DOT1L: variants seen among roughly 807,000 people sequenced by gnomAD.
DOT1L encodes DOT1 like histone lysine methyltransferase, also known as histone-lysine N-methyltransferase, H3 lysine-79 specific.
DOT1L carries 33 observed loss-of-function variants against 153.3 expected under a neutral mutation model. That is an observed-to-expected ratio of 0.22 (90% CI 0.16 to 0.29). The LOEUF (loss-of-function observed/expected upper bound fraction) is 0.29, where lower values mean the gene tolerates loss of function less well. DOT1L is among the 10% of genes least tolerant of loss of function. DOT1L has a pLI of 1.00. For missense variants in DOT1L, 1,847 were observed against 2,119.9 expected (o/e 0.87, Z 2.53); for synonymous variants, 1,135 against 965.1 (o/e 1.18, Z -3.26).
rs2023902495 is a variant in DOT1L, at chr19:2,216,425, C to T, written c.2068C>T (p.Leu690=). ...CGAGCTGGAGCCTGACGCCAGCCGG[C>T]TGCACCTGGAGCTGGACTGCACCAA... ...GRELEPDASR[L]HLELDCTKFS... is the part of the protein sequence containing the mutation. The change falls in exon 20 of 28, where the codon CTG becomes TTG. Residue 690 remains leucine, a synonymous_variant. Coordinates refer to ENST00000398665, the MANE Select transcript of DOT1L (RefSeq NM_032482.3). The T allele has an allele frequency of 1.2e-6, 2 of 1,612,530 alleles. No homozygotes were observed. The highest frequency in any genetic ancestry group is 2.2e-5 in the East Asian group (1 of 44,884).
Position 2,198,775 on chromosome 19 carries a change from C to T in DOT1L, c.652-1109C>T, listed in dbSNP as rs58811094. Reference sequence around the variant, plus strand: ...CTTCCTGTCTCTGGATGGGCCTGTCCCGGACATTTCACAGAAACAGGATCA... The same window carrying T: ...CTTCCTGTCTCTGGATGGGCCTGTCTCGGACATTTCACAGAAACAGGATCA... On this transcript the variant is annotated intron_variant, in intron 7 of 27. Coordinates refer to ENST00000398665, the MANE Select transcript of DOT1L (RefSeq NM_032482.3). Among the ~76,000 whole-genome samples the T allele has an allele frequency of 6.2e-3, 950 of 152,316 alleles. 6 individuals are homozygous for T. The highest frequency in any genetic ancestry group is 0.021 in the African/African-American group (889 of 41,564).
chr19:2,172,484 C>T (rs1224856082), intron 1 of DOT1L, among the ~76,000 whole-genome samples: 11 of 149,374 alleles, frequency 7.4e-5, no homozygotes, highest in Non-Finnish European at 1.0e-4. Context: ...CCACCGTGCC[C>T]GGCCAGCCAC....
At position 2,220,574 on chromosome 19, in the gene DOT1L, C is replaced by A; in HGVS notation, c.2806+352C>A. On this transcript the variant is annotated intron_variant, in intron 23 of 27. Coordinates refer to ENST00000398665, the MANE Select transcript of DOT1L (RefSeq NM_032482.3). The surrounding 1 kb of genome is among the most constrained non-coding windows in gnomAD (Gnocchi z 4.5). ...GATCGGCTCCACACACAGCAGTGCC[C>A]AATGGCACACGACCGTGGGCCTCCG... 7 of 471,852 alleles carry A rather than the reference C, an allele frequency of 1.5e-5. No homozygotes were observed. Among genetic ancestry groups the A allele is most frequent in the Non-Finnish European group, 2.1e-5 (5 of 236,524 alleles). 29.2% of individuals were successfully genotyped at this position (471,852 alleles called of 1,614,324 possible). A position where few individuals can be genotyped will look rare whatever the true frequency, so the allele number is the denominator to read the frequency against.
chr19:2,188,545 G>A lies in DOT1L; in HGVS notation c.201-1187G>A, dbSNP rs571993275. ...GCGCTGGGGATGTGGAAGTCGGATTGTTCTCTGGGAGGGGCCGTCCTGGGC... is the reference window on the plus strand; with the variant it reads ...GCGCTGGGGATGTGGAAGTCGGATTATTCTCTGGGAGGGGCCGTCCTGGGC... On this transcript the variant is annotated intron_variant, in intron 3 of 27. Coordinates refer to ENST00000398665, the MANE Select transcript of DOT1L (RefSeq NM_032482.3). Among the ~76,000 whole-genome samples the A allele has an allele frequency of 8.7e-5, 12 of 137,350 alleles. No homozygotes were observed. The East Asian group carries it at 2.5e-3, about 29-fold the overall frequency. 90.1% of individuals were successfully genotyped at this position (137,350 alleles called of 152,430 possible).
chr19:2,174,609 T>C (rs1160628883), intron 1 of DOT1L, among the ~76,000 whole-genome samples: 1 of 152,144 alleles, frequency 6.6e-6, no homozygotes, highest in Non-Finnish European at 1.5e-5. Context: ...TCGCAAAAGC[T>C]AAGATAAATT....
intron 1 of DOT1L, among the ~76,000 whole-genome samples, chr19:2,174,242 A>G (rs2021796305): frequency 6.6e-6 from 1 of 152,208 alleles, no homozygotes; most frequent in Non-Finnish European, 1.5e-5. Flanking sequence ...TGGAGGTCTG[A>G]GTCCCCTTTT....
chr19:2,209,943 C>T lies in DOT1L; in HGVS notation c.1006-457C>T, dbSNP rs73516507. ...CCGGCGCACCCTGTGTTCCCCTTCC[C>T]GTGGGTCGCGCCCTCCACTAACTCA... On this transcript the variant is annotated intron_variant, in intron 12 of 27. Coordinates refer to ENST00000398665, the MANE Select transcript of DOT1L (RefSeq NM_032482.3). Among the ~76,000 whole-genome samples, 911 of 152,236 alleles carry T rather than the reference C, an allele frequency of 6.0e-3. 5 individuals are homozygous for T. Among genetic ancestry groups the T allele is most frequent in the African/African-American group, 0.02 (848 of 41,556 alleles).
At chr19:2,177,739 C>T (rs72985432) in intron 1 of DOT1L, among the ~76,000 whole-genome samples, 2,280 of 152,110 alleles carry the variant, frequency 0.015, 33 homozygotes, top group Middle Eastern at 0.048. Context: ...TGCCCAGCCC[C>T]GGCTCTTGCC....
chr19:2,227,162 CG>C (rs1304526746), intron 27 of DOT1L, 35 bp downstream of exon 27: 1 of 1,570,780 alleles, frequency 6.4e-7, no homozygotes, highest in Non-Finnish European at 8.6e-7. Context: ...CCCCCCGCCC[CG>C]GCCCCCGCCG....
At chr19:2,174,990 GTGTGTATA>G (rs1366964639) in intron 1 of DOT1L, among the ~76,000 whole-genome samples, 5 of 98,820 alleles carry the variant, frequency 5.1e-5, no homozygotes, top group African/African-American at 2.4e-4. Flanking sequence ...GTGTGTGTGT[GTGTGTATA>G]TATATATTTT....
intron 1 of DOT1L, among the ~76,000 whole-genome samples, chr19:2,170,193 A>G (rs1346749711): frequency 6.6e-6 from 1 of 152,232 alleles, no homozygotes; most frequent in Admixed American, 6.5e-5. Flanking sequence ...AATATTGGCC[A>G]TTGATGGCTG....
rs201346501 is a variant in DOT1L, at chr19:2,206,699, G to T, written c.788-30G>T. On this transcript the variant is annotated intron_variant, in intron 9 of 27. Coordinates refer to ENST00000398665, the MANE Select transcript of DOT1L (RefSeq NM_032482.3). Reference sequence around the variant, plus strand: ...TCTGCTCTTCTGTTTCCTCTCTCCTGTGTGGCAGTAAGCAGTGTCTGTGTT... The same window carrying T: ...TCTGCTCTTCTGTTTCCTCTCTCCTTTGTGGCAGTAAGCAGTGTCTGTGTT... 1.2e-4 allele frequency: 194 copies of T among 1,612,296 alleles called. 1 individual carries two copies. The African/African-American group carries it at 2.3e-3, about 20-fold the overall frequency.
At chr19:2,227,610 G>C (rs2024406908) in intron 27 of DOT1L, 3 of 1,077,086 alleles carry the variant, frequency 2.8e-6, no homozygotes, top group Non-Finnish European at 3.6e-6. Flanking sequence ...GCCGCTGCTT[G>C]TGCTTGGTGC....
chr19:2,205,846 A>G (rs2023470090), intron 9 of DOT1L, among the ~76,000 whole-genome samples: 1 of 151,726 alleles, frequency 6.6e-6, no homozygotes, highest in South Asian at 2.1e-4. Context: ...GGCATGCACC[A>G]TCATGCCCAG....
Position 2,230,609 on chromosome 19 carries a change from G to A in DOT1L, c.*817G>A. On this transcript the variant is annotated 3_prime_UTR_variant, in exon 28 of 28. Coordinates refer to ENST00000398665, the MANE Select transcript of DOT1L (RefSeq NM_032482.3). ...GCAGGCCTGTCGTGGGTCCCTTGGT[G>A]TTTCTGTACAGGAGAGAGTCACACT... The A allele has an allele frequency of 2.5e-6, 1 of 398,670 alleles. No individual in the cohort carries two copies. The highest frequency in any genetic ancestry group is 4.4e-6 in the Non-Finnish European group (1 of 226,070). The allele number at this position is 398,670 out of a possible 1,614,324, so 24.7% of individuals were successfully genotyped here. A position where few individuals can be genotyped will look rare whatever the true frequency, so the allele number is the denominator to read the frequency against.
At chr19:2,228,272 G>T in intron 27 of DOT1L, 1 of 1,358,548 alleles carries the variant, frequency 7.4e-7, no homozygotes. Context: ...GCGCCACGGG[G>T]CCGTCCGCGG....
Position 2,220,338 on chromosome 19 carries a change from C to A in DOT1L, c.2806+116C>A. 1 of 1,029,012 alleles carries A rather than the reference C, an allele frequency of 9.7e-7. No homozygotes were observed. The highest frequency in any genetic ancestry group is 1.5e-6 in the Non-Finnish European group (1 of 682,508). 63.7% of individuals were successfully genotyped at this position (1,029,012 alleles called of 1,614,324 possible). A position where few individuals can be genotyped will look rare whatever the true frequency, so the allele number is the denominator to read the frequency against. On this transcript the variant is annotated intron_variant, in intron 23 of 27. Transcript: ENST00000398665. The surrounding 1 kb of genome is among the most constrained non-coding windows in gnomAD (Gnocchi z 4.5). ...CTTCCTGGGGTGATCATGGGGGCTG[C>A]TGCCCCAAACCGCCACGCCTCATTA...
At chr19:2,189,609 C>A in intron 3 of DOT1L, 123 bp from the exon 4 acceptor site, 1 of 1,065,764 alleles carries the variant, frequency 9.4e-7, no homozygotes, top group Non-Finnish European at 1.4e-6. Context: ...TCTTGGCCAG[C>A]TGGCTGGTGG....
At chr19:2,175,856 G>A (rs1237608943) in intron 1 of DOT1L, among the ~76,000 whole-genome samples, 1 of 152,046 alleles carries the variant, frequency 6.6e-6, no homozygotes, top group East Asian at 1.9e-4. Flanking sequence ...CCTCGGCAAC[G>A]AGCAAAACTC....
Sources: allele counts gnomAD v4.1 joint callset (sites outside exome capture counted in the v4.1 genomes callset), GRCh38; gene constraint gnomAD v4.1.1; non-coding constraint Gnocchi (gnomAD v3.1); transcripts MANE v1.5; gene names NCBI Gene and HGNC (gene_info 2026-07-23, HGNC 2026-07-21).